Variants in CYP2A7 observed in about 807,000 individuals in gnomAD.
CYP2A7 encodes the protein cytochrome P450 family 2 subfamily A member 7.
Under a neutral mutation model 42.0 loss-of-function variants are expected in CYP2A7, and 36 were observed. That is an observed-to-expected ratio of 0.86 (90% CI 0.66 to 1.13). The LOEUF (loss-of-function observed/expected upper bound fraction) is 1.13. Ranked by LOEUF, CYP2A7 falls within the 50% of genes most tolerant of loss-of-function variation. CYP2A7 has a pLI of 0.00. For synonymous variants in CYP2A7, 260 were observed against 249.5 expected, an observed-to-expected ratio of 1.04 and a Z score of -0.40; for missense variants, 661 against 634.1, an observed-to-expected ratio of 1.04 and a Z score of -0.46.
rs1419733093 is a variant in CYP2A7 at position 40,880,771 on chromosome 19, G to C, written c.344-143C>G. On this transcript the variant is annotated intron_variant, in intron 2 of 8. Transcript: ENST00000301146. The stretch of plus-strand genomic sequence containing the variant: ...GATTCAGTGCCAGTGCCCAGGACAG[G>C]TGCAAACTCAGTCAGAGAAACACGA... 1.2e-4 allele frequency: 21 copies of C among 171,250 alleles called. 1 individual carries two copies. The East Asian group carries it at 2.7e-3, about 22-fold the overall frequency. The allele number at this position is 171,250 out of a possible 1,614,324, so 10.6% of individuals were successfully genotyped here. A position where few individuals can be genotyped will look rare whatever the true frequency, so the allele number is the denominator to read the frequency against.
At chr19:40,880,811 G>GAGAGAGAGAA (rs1568527949) in intron 2 of CYP2A7, among the ~76,000 whole-genome samples, 183 bp from the exon 3 acceptor site, 1 of 13,004 alleles carries the variant, frequency 7.7e-5, no homozygotes, top group African/African-American at 2.0e-4. Context: ...GAGAGAGAGA[G>GAGAGAGAGAA]AGAGAGAGAG....
intron 2 of CYP2A7, 86 bp from the exon 3 acceptor site, chr19:40,880,714 G>A: frequency 6.9e-7 from 1 of 1,452,162 alleles, no homozygotes; most frequent in East Asian, 2.4e-5. Flanking sequence ...CCCAAGGGTG[G>A]AGCAGAGGGG....
At position 40,875,597 on chromosome 19, in the gene CYP2A7, T is replaced by C. The variant is rs982324125; in HGVS notation, c.*96A>G. 14 of 1,584,820 alleles carry C rather than the reference T, an allele frequency of 8.8e-6. No individual in the cohort carries two copies. Among genetic ancestry groups the C allele is most frequent in the Admixed American group, 5.2e-5 (3 of 57,582 alleles). ...CCACGCCCCTTCCTTTCCCGCATCT[T>C]CCCCCCATTCTTATACCCGCCTCTT... On this transcript the variant is annotated 3_prime_UTR_variant, in exon 9 of 9. Transcript: ENST00000301146.
Position 40,878,941 on chromosome 19 carries a change from G to A in CYP2A7, c.655-5C>T, listed in dbSNP as rs1259410855. 1.9e-6 allele frequency: 3 copies of A among 1,605,182 alleles called. No homozygotes were observed. Among genetic ancestry groups the A allele is most frequent in the African/African-American group, 1.3e-5 (1 of 74,692 alleles). On this transcript the variant is annotated splice_polypyrimidine_tract_variant and splice_region_variant and intron_variant, in intron 4 of 8. Coordinates refer to ENST00000301146, the MANE Select transcript of CYP2A7 (RefSeq NM_000764.3). ...CGAAGAGAACATCTCATAGAGCTGG[G>A]GTTGCAGAGAGAGGATGGGAAGGGA...
chr19:40,880,040 C>A, intron 4 of CYP2A7, 44 bp downstream of exon 4: 2 of 1,603,364 alleles, frequency 1.2e-6, no homozygotes, highest in Non-Finnish European at 1.7e-6. Flanking sequence ...GAGCAGTTGG[C>A]AGGTTGTGGT....
rs1967689812 is a variant in CYP2A7, at chr19:40,881,583, C to T, written c.343+6G>A. The stretch of plus-strand genomic sequence containing the variant: ...GCCACCTTCCCCATCTTGGGCACCC[C>T]CTCACCATAGCCTTTGAAGACCCAG... On this transcript the variant is annotated splice_donor_region_variant and intron_variant, in intron 2 of 8. Transcript: ENST00000301146. 6.2e-7 allele frequency: 1 copy of T among 1,611,482 alleles called. No individual in the cohort carries two copies. Among genetic ancestry groups the T allele is most frequent in the Non-Finnish European group, 8.5e-7 (1 of 1,179,412 alleles).
In CYP2A7 at chr19:40,876,316, C is replaced by T; in HGVS notation, c.1303+211G>A. 3.9e-6 allele frequency: 3 copies of T among 764,758 alleles called. No individual in the cohort carries two copies. In the South Asian group the frequency reaches 5.3e-5, roughly 13 times the overall value. The allele number at this position is 764,758 out of a possible 1,614,324, so 47.4% of individuals were successfully genotyped here. A position where few individuals can be genotyped will look rare whatever the true frequency, so the allele number is the denominator to read the frequency against. On this transcript the variant is annotated intron_variant, in intron 8 of 8. Transcript: ENST00000301146. ...GCTGTGTGACCCTAGAGAAATACAT[C>T]TACGGGGAAAGATGTTTCCTTTCCT...
At position 40,881,583 on chromosome 19, in the gene CYP2A7, C is replaced by G; in HGVS notation, c.343+6G>C. On this transcript the variant is annotated splice_donor_region_variant and intron_variant, in intron 2 of 8. Transcript: ENST00000301146. ...GCCACCTTCCCCATCTTGGGCACCC[C>G]CTCACCATAGCCTTTGAAGACCCAG... 1.2e-6 allele frequency: 2 copies of G among 1,611,600 alleles called. No homozygotes were observed.
chr19:40,879,017 G>C, intron 4 of CYP2A7, 81 bp from the exon 5 acceptor site: 3 of 1,516,472 alleles, frequency 2.0e-6, no homozygotes, highest in Non-Finnish European at 2.7e-6. Flanking sequence ...TTGTTTCATA[G>C]CAAGGAAGGA....
At chr19:40,881,542 C>T in intron 2 of CYP2A7, 47 bp downstream of exon 2, 1 of 1,608,084 alleles carries the variant, frequency 6.2e-7, no homozygotes, top group Non-Finnish European at 8.5e-7. Context: ...AACACTGAGA[C>T]CATCGTGTCC....
In CYP2A7 at chr19:40,882,062, T is replaced by C. The variant is rs1967707634; in HGVS notation, c.149A>G (p.Asn50Ser). Residue 50 changes from asparagine (N) to serine (S), a missense_variant, in exon 1 of 9, where the codon AAC (asparagine) becomes AGC (serine). By Grantham distance (46) the Asn-to-Ser change is conservative. Transcript: ENST00000301146. ...LPFIGNYLQLNTEHICDSIMK... is the reference protein window; with the variant it reads ...LPFIGNYLQLSTEHICDSIMK... The stretch of plus-strand genomic sequence containing the variant: ...GATGGAGTCACATATGTGCTCTGTG[T>C]TCAGCTGGAGGTAGTTTCCAATGAA... The C allele has an allele frequency of 6.2e-7, 1 of 1,613,862 alleles. No individual in the cohort carries two copies. The highest frequency in any genetic ancestry group is 1.7e-5 in the Admixed American group (1 of 59,986).
intron 5 of CYP2A7, among the ~76,000 whole-genome samples, chr19:40,878,412 G>T (rs1279769710): frequency 3.3e-5 from 5 of 151,696 alleles, no homozygotes; most frequent in Non-Finnish European, 5.9e-5. Flanking sequence ...TTGAGACAGG[G>T]TCTCATTCTG....
At chr19:40,878,645 G>A in intron 5 of CYP2A7, 115 bp downstream of exon 5, 2 of 1,430,040 alleles carry the variant, frequency 1.4e-6, no homozygotes, top group South Asian at 1.4e-5. Flanking sequence ...CAATTGTGAG[G>A]ATTATTATGA....
intron 5 of CYP2A7, 148 bp from the exon 6 acceptor site, chr19:40,878,141 C>A (rs1446251915): frequency 3.6e-6 from 3 of 833,356 alleles, no homozygotes; most frequent in Non-Finnish European, 5.4e-6. Flanking sequence ...TAGGTTCCAG[C>A]CCTTGCCCTG....
In CYP2A7 at chr19:40,880,582, A is replaced by G. The variant is rs3815709; in HGVS notation, c.390T>C (p.Phe130=). 0.48 allele frequency: 611,025 copies of G among 1,280,344 alleles called. 175,932 individuals carry two copies. Among genetic ancestry groups the G allele is most frequent in the Admixed American group, 0.64 (31,409 of 48,912 alleles). The allele number at this position is 1,280,344 out of a possible 1,614,324, so 79.3% of individuals were successfully genotyped here. A position where few individuals can be genotyped will look rare whatever the true frequency, so the allele number is the denominator to read the frequency against. ...CGAAGTCCCTCAGGGTGGCGATGGC[A>G]AAGCGCAGGAGCTGCTTGGCGCGCT... ...NGERAKQLLR[F]AIATLRDFGV... The change falls in exon 3 of 9, where the codon TTT becomes TTC. Residue 130 remains phenylalanine, a synonymous_variant. Coordinates refer to ENST00000301146, the MANE Select transcript of CYP2A7 (RefSeq NM_000764.3).
chr19:40,877,110 G>A (rs1967550619), intron 7 of CYP2A7, 80 bp downstream of exon 7: 2 of 1,508,732 alleles, frequency 1.3e-6, no homozygotes, highest in Non-Finnish European at 1.8e-6. Flanking sequence ...TGAGTAGAAA[G>A]CTTCTAATGG....
At chr19:40,876,834 C>A (rs950893442) in intron 7 of CYP2A7, 166 bp from the exon 8 acceptor site, 5 of 983,240 alleles carry the variant, frequency 5.1e-6, no homozygotes, top group Non-Finnish European at 7.4e-6. Flanking sequence ...AGGTTCACAT[C>A]TCTGAAACAG....
chr19:40,881,792 C>G (rs1408004954), intron 1 of CYP2A7, 41 bp from the exon 2 acceptor site: 5 of 1,600,414 alleles, frequency 3.1e-6, no homozygotes, highest in Non-Finnish European at 2.6e-6. Flanking sequence ...GAGCAGCCCC[C>G]ACTCTGAATG....
At position 40,880,513 on chromosome 19, in the gene CYP2A7, C is replaced by G. The variant is rs747745785; in HGVS notation, c.459G>C (p.Ser153=). The G allele has an allele frequency of 2.5e-6, 4 of 1,612,452 alleles. No homozygotes were observed. Among genetic ancestry groups the G allele is most frequent in the Admixed American group, 1.7e-5 (1 of 59,852 alleles). ...TCCGGATGGCCTCGATGAGGAAGCC[C>G]GACTCCTCCTGGATGCGCTCCTCGA... ...RGIEERIQEE[S]GFLIEAIRST... is the part of the protein sequence containing the mutation. Residue 153 remains serine (S), a synonymous_variant, in exon 3 of 9, where the codon TCG becomes TCC. Transcript: ENST00000301146.
Sources: gnomAD v4.1 joint callset for allele counts (sites outside exome capture counted in the v4.1 genomes callset) on GRCh38, gnomAD v4.1.1 for gene constraint, MANE v1.5 for transcripts, NCBI Gene and HGNC (gene_info 2026-07-23, HGNC 2026-07-21) for gene names.